Variants in MTTP observed in about 807,000 individuals in gnomAD.
MTTP encodes the protein microsomal triglyceride transfer protein.
In MTTP, 49 loss-of-function variants were observed where a neutral mutation model predicts 90.6. The observed-to-expected ratio is 0.54, with a 90% CI of 0.43 to 0.69. MTTP has a LOEUF of 0.69. MTTP is among the 30% of genes least tolerant of loss of function. The probability of loss-of-function intolerance (pLI) is 0.00; values close to 1 mark genes in which losing one functional copy is unlikely to be tolerated. For missense variants in MTTP, 945 were observed against 1,067.5 expected (o/e 0.89, Z 1.60); for synonymous variants, 347 against 384.2 (o/e 0.90, Z 1.13).
At chr4:99,564,205 T>C in exon 1 of MTTP, 1 of 1,535,640 alleles carries the variant, frequency 6.5e-7, no homozygotes, top group Non-Finnish European at 8.7e-7. Context: ...ATTAAGTGTG[T>C]ACCTGCAGAC....
chr4:99,620,579 C>T (rs1050449170), intron 16 of MTTP, among the ~76,000 whole-genome samples: 2 of 152,150 alleles, frequency 1.3e-5, no homozygotes, highest in Admixed American at 1.3e-4. Context: ...GCTTACGCCT[C>T]TAGAGACTCT....
At chr4:99,564,283 G>T (rs780938217) in intron 1 of MTTP, 1 of 1,506,284 alleles carries the variant, frequency 6.6e-7, no homozygotes, top group South Asian at 1.2e-5. Context: ...TGTTAAAAAT[G>T]CAAAACAACG....
At chr4:99,605,545 GCA>G (rs952116188) in intron 10 of MTTP, among the ~76,000 whole-genome samples, 1 of 152,134 alleles carries the variant, frequency 6.6e-6, no homozygotes, top group Non-Finnish European at 1.5e-5. Flanking sequence ...ATAATCTCAG[GCA>G]CAGATTTTTG....
At chr4:99,572,826 A>G (rs192272199), upstream of MTTP, among the ~76,000 whole-genome samples, 68 of 152,246 alleles carry the variant, frequency 4.5e-4, no homozygotes, top group East Asian at 9.4e-3. Flanking sequence ...TGTCATCTGT[A>G]ATGAAACAAT....
At chr4:99,619,165 A>T in intron 16 of MTTP, 67 bp downstream of exon 16, 1 of 1,409,882 alleles carries the variant, frequency 7.1e-7, no homozygotes, top group East Asian at 2.3e-5. Context: ...CTTCCGAAAT[A>T]TGTTTTGGGA....
Position 99,600,662 on chromosome 4 carries a change from C to G in MTTP, c.1165C>G (p.Leu389Val). Residue 389 changes from leucine to valine, a missense_variant, in exon 9 of 18, where the codon CTC (leucine) becomes GTC (valine). Leu to Val is a conservative substitution (Grantham distance 32, BLOSUM62 1). Coordinates refer to ENST00000265517, the MANE Select transcript of MTTP (RefSeq NM_001386140.1). ...TTTCAAAAGTGACAGCAGCATTATC[C>G]TCCAGGAGAGGTTTCTCTATGCCTG... The part of the protein sequence containing the change: ...LDFKSDSSII[L>V]QERFLYACGF... 6.2e-7 allele frequency: 1 copy of G among 1,613,842 alleles called. No homozygotes were observed. The highest frequency in any genetic ancestry group is 8.5e-7 in the Non-Finnish European group (1 of 1,179,830).
In MTTP at chr4:99,582,011, C is replaced by T. The variant is rs750957280; in HGVS notation, c.168C>T (p.Gly56=). Residue 56 remains glycine (G), a synonymous_variant, in exon 2 of 18, where the codon GGC becomes GGT. Transcript: ENST00000265517. ...RGKGKLQDSV[G]YRISSNVDVA... ...AAGGAAAACTGCAAGACAGCGTGGG[C>T]TACCGCATTTCCTCCAACGTGGATG... 15 of 1,614,208 alleles carry T rather than the reference C, an allele frequency of 9.3e-6. No individual in the cohort carries two copies. The highest frequency in any genetic ancestry group is 1.2e-5 in the Non-Finnish European group (14 of 1,180,022).
At chr4:99,606,713 G>A (rs1725824766) in intron 10 of MTTP, 35 bp from the exon 11 acceptor site, 1 of 1,592,040 alleles carries the variant, frequency 6.3e-7, no homozygotes, top group African/African-American at 1.3e-5. Flanking sequence ...TTCAATGTAT[G>A]GTCATGCATA....
Position 99,597,082 on chromosome 4 carries a change from C to G in MTTP, c.925C>G (p.Arg309Gly), listed in dbSNP as rs756001078. 4 of 1,613,828 alleles carry G rather than the reference C, an allele frequency of 2.5e-6. No individual in the cohort carries two copies. The highest frequency in any genetic ancestry group is 8.5e-7 in the Non-Finnish European group (1 of 1,179,872). The change falls in exon 8 of 18, where the codon CGG (arginine) becomes GGG (glycine). Residue 309 changes from arginine (R) to glycine (G), a missense_variant. Arg to Gly is a moderately radical substitution (Grantham distance 125, BLOSUM62 -2). Transcript: ENST00000265517. ...KGCPSLSELWRSTRKYLQPDN... is the reference protein window; with the variant it reads ...KGCPSLSELWGSTRKYLQPDN... ...TGTTTTGCAGCTCTCGGAGCTCTGG[C>G]GGTCCACCAGGAAATACCTGCAGCC...
intron 6 of MTTP, 85 bp from the exon 7 acceptor site, chr4:99,594,648 C>T (rs1329328290): frequency 2.0e-6 from 3 of 1,499,104 alleles, no homozygotes; most frequent in Non-Finnish European, 2.8e-6. Flanking sequence ...AAATTACTAT[C>T]TTGTTTGCCA....
rs190039920 is a variant in MTTP, at chr4:99,590,955, C to A, written c.502-280C>A. On this transcript the variant is annotated intron_variant, in intron 4 of 17. Transcript: ENST00000265517. ...ATCCAAAGTTTCAATTATTACCAGG[C>A]CATTTGTCTAATTTTAATTGGATTT... 1.4e-4 allele frequency among the ~76,000 whole-genome samples: 21 copies of A among 151,994 alleles called. No homozygotes were observed. The East Asian group carries it at 3.7e-3, about 27-fold the overall frequency.
At chr4:99,565,512 CATTG>C (rs1167545474) in intron 1 of MTTP, among the ~76,000 whole-genome samples, 1 of 152,100 alleles carries the variant, frequency 6.6e-6, no homozygotes, top group Non-Finnish European at 1.5e-5. Flanking sequence ...ACAATATTTT[CATTG>C]ATTTGTAAAA....
At chr4:99,567,653 A>G (rs1402148472) in intron 1 of MTTP, among the ~76,000 whole-genome samples, 1 of 152,354 alleles carries the variant, frequency 6.6e-6, no homozygotes, top group African/African-American at 2.4e-5. Context: ...CCGTTCTTGA[A>G]CATAGCCCAA....
intron 7 of MTTP, among the ~76,000 whole-genome samples, chr4:99,595,928 T>A (rs1456531728): frequency 1.3e-5 from 2 of 152,008 alleles, no homozygotes; most frequent in East Asian, 3.9e-4. Context: ...TTGATAATTA[T>A]TTCTTAATTA....
intron 7 of MTTP, 33 bp from the exon 8 acceptor site, chr4:99,597,034 G>A: frequency 6.2e-7 from 1 of 1,612,512 alleles, no homozygotes; most frequent in Non-Finnish European, 8.5e-7. Context: ...ACAGTTATGA[G>A]TGGGGTATGA....
chr4:99,615,142 TGAG>T (rs368886809), intron 15 of MTTP, among the ~76,000 whole-genome samples: 20 of 152,176 alleles, frequency 1.3e-4, no homozygotes, highest in African/African-American at 4.8e-4. Flanking sequence ...TGTAAAACCA[TGAG>T]GAGTAATCTA....
chr4:99,573,669 A>G (rs1349830012), upstream of MTTP, among the ~76,000 whole-genome samples: 2 of 152,180 alleles, frequency 1.3e-5, no homozygotes, highest in Admixed American at 6.5e-5. Flanking sequence ...CAAGTCTACT[A>G]TCTTTTACCT....
rs768050685 is a variant in MTTP, at chr4:99,594,731, A to T, written c.759-2A>T. On this transcript the variant is annotated splice_acceptor_variant, in intron 6 of 17. Coordinates refer to ENST00000265517, the MANE Select transcript of MTTP (RefSeq NM_001386140.1). LOFTEE classifies it high-confidence loss of function. ...ATAGCATTTCCCTTTGGTATTATGC[A>T]GGCAGAAATTAGAGCTGAAGACAAC... 1 of 1,613,910 alleles carries T rather than the reference A, an allele frequency of 6.2e-7. No homozygotes were observed. The highest frequency in any genetic ancestry group is 2.2e-5 in the East Asian group (1 of 44,866).
At chr4:99,594,983 A>G in intron 7 of MTTP, 100 bp downstream of exon 7, 1 of 1,398,878 alleles carries the variant, frequency 7.1e-7, no homozygotes, top group Non-Finnish European at 1.0e-6. Context: ...CAGTTTCTAA[A>G]GAACTACCAG....
Sources: allele counts gnomAD v4.1 joint callset (sites outside exome capture counted in the v4.1 genomes callset), GRCh38; gene constraint gnomAD v4.1.1; transcripts MANE v1.5; gene names NCBI Gene and HGNC (gene_info 2026-07-23, HGNC 2026-07-21).